Variants in SNX25 observed in about 807,000 individuals in gnomAD.
The protein encoded by SNX25 is sorting nexin-25.
Under a neutral mutation model 113.7 loss-of-function variants are expected in SNX25, and 62 were observed. The observed-to-expected ratio is 0.55, with a 90% CI of 0.44 to 0.67. The LOEUF is 0.67. SNX25 is among the 30% of genes least tolerant of loss of function. The pLI is 0.00. For synonymous variants in SNX25, 421 were observed against 436.2 expected (o/e 0.97, Z 0.43); for missense variants, 1,014 against 1,161.0 (o/e 0.87, Z 1.84).
In SNX25 at chr4:185,320,587, T is replaced by C. The variant is rs897757258; in HGVS notation, c.1345-146T>C. The C allele has an allele frequency of 5.7e-6, 3 of 522,540 alleles. No individual in the cohort carries two copies. The African/African-American group carries it at 5.8e-5, about 10-fold the overall frequency. The allele number at this position is 522,540 out of a possible 1,614,324, so 32.4% of individuals were successfully genotyped here. A position where few individuals can be genotyped will look rare whatever the true frequency, so the allele number is the denominator to read the frequency against. ...CTGTACATTTACTTAAATAAATAAA[T>C]AGTAAATTACTACAATAAAATTTTA... is the stretch of plus-strand genomic sequence containing the variant. On this transcript the variant is annotated intron_variant, in intron 7 of 18. Coordinates refer to ENST00000652585, the MANE Select transcript of SNX25 (RefSeq NM_001378034.2).
intron 14 of SNX25, chr4:185,353,283 T>A: frequency 2.1e-6 from 1 of 471,584 alleles, no homozygotes; most frequent in African/African-American, 1.9e-5. Context: ...ATTAGCTTAT[T>A]TTAAGCCTTG....
At chr4:185,290,351 G>T (rs2126616070) in intron 6 of SNX25, among the ~76,000 whole-genome samples, 1 of 152,210 alleles carries the variant, frequency 6.6e-6, no homozygotes, top group South Asian at 2.1e-4. Context: ...AACTCTTTTG[G>T]GTATCCTGGC....
chr4:185,360,597 T>G (rs2095356836), intron 16 of SNX25, among the ~76,000 whole-genome samples: 1 of 152,152 alleles, frequency 6.6e-6, no homozygotes, highest in South Asian at 2.1e-4. Context: ...ACTCTTGGGC[T>G]CTTTGAACTG....
upstream of SNX25, among the ~76,000 whole-genome samples, chr4:185,206,044 C>T (rs1002812427): frequency 1.3e-5 from 2 of 152,080 alleles, no homozygotes; most frequent in Non-Finnish European, 2.9e-5. Flanking sequence ...AGATCGAAAC[C>T]CTTATGCATT....
chr4:185,348,643 T>C (rs1318814607), intron 13 of SNX25, among the ~76,000 whole-genome samples: 1 of 152,152 alleles, frequency 6.6e-6, no homozygotes, highest in East Asian at 1.9e-4. Flanking sequence ...GTGACCAATC[T>C]GCCTCGGCCT....
chr4:185,305,837 G>A (rs1307887490), intron 6 of SNX25, among the ~76,000 whole-genome samples: 6 of 152,100 alleles, frequency 3.9e-5, no homozygotes, highest in African/African-American at 1.4e-4. Context: ...AGGTTAGTGC[G>A]AAAGTAATCA....
chr4:185,376,464 T>G, the SNX25 span, among the ~76,000 whole-genome samples: 4 of 146,754 alleles, frequency 2.7e-5, no homozygotes, highest in African/African-American at 5.1e-5. Flanking sequence ...TTTTTTTTTT[T>G]TGTATTTTTA....
intron 2 of SNX25, among the ~76,000 whole-genome samples, chr4:185,248,423 C>T (rs1246437871): frequency 3.3e-5 from 5 of 151,864 alleles, no homozygotes; most frequent in African/African-American, 7.3e-5. Context: ...TTTGGGAGAC[C>T]GAGGTGGGTG....
Position 185,359,765 on chromosome 4 carries a change from A to C in SNX25, c.2651+2028A>C, listed in dbSNP as rs578124974. Reference sequence around the variant, plus strand: ...CCTTTTCAGTGTCAGCAAATCATGCATGCTTTCATTGCTCCTATTTATGAT... The same window carrying C: ...CCTTTTCAGTGTCAGCAAATCATGCCTGCTTTCATTGCTCCTATTTATGAT... On this transcript the variant is annotated intron_variant, in intron 16 of 18. Coordinates refer to ENST00000652585, the MANE Select transcript of SNX25 (RefSeq NM_001378034.2). Among the ~76,000 whole-genome samples the C allele has an allele frequency of 6.6e-5, 10 of 152,332 alleles. No individual in the cohort carries two copies. The South Asian group carries it at 2.1e-3, about 32-fold the overall frequency.
Position 185,332,694 on chromosome 4 carries a change from G to T in SNX25, c.1849G>T (p.Glu617Ter). Residue 617 changes from glutamate (E) to a stop codon, truncating the protein, a stop_gained, in exon 10 of 19, where the codon GAG becomes TAG. Coordinates refer to ENST00000652585, the MANE Select transcript of SNX25 (RefSeq NM_001378034.2). LOFTEE classifies it high-confidence loss of function. ...FAVNKLRELN[E>*]KLEYKRQALN... ...TGTAAACAAACTGCGAGAACTAAATGAGAAACTTGAATATAAAAGGCAAGC... is the reference window on the plus strand; with the variant it reads ...TGTAAACAAACTGCGAGAACTAAATTAGAAACTTGAATATAAAAGGCAAGC... 6.2e-7 allele frequency: 1 copy of T among 1,614,060 alleles called. No individual in the cohort carries two copies. The highest frequency in any genetic ancestry group is 1.1e-5 in the South Asian group (1 of 91,050).
intron 1 of SNX25, among the ~76,000 whole-genome samples, chr4:185,211,131 T>A (rs1737722667): frequency 1.3e-5 from 2 of 152,228 alleles, no homozygotes; most frequent in Non-Finnish European, 2.9e-5. Context: ...TTCATAAGAA[T>A]ATTTGTTAAT....
downstream of SNX25, among the ~76,000 whole-genome samples, chr4:185,368,720 G>A (rs184395024): frequency 1.3e-5 from 2 of 152,030 alleles, no homozygotes; most frequent in East Asian, 1.9e-4. Flanking sequence ...CTAGAGTACA[G>A]TATCCTAGTT....
chr4:185,323,440 C>G (rs779510256), intron 8 of SNX25, 88 bp from the exon 9 acceptor site: 85 of 1,335,220 alleles, frequency 6.4e-5, no homozygotes, highest in Non-Finnish European at 8.4e-5. Context: ...TGTCTTTCTT[C>G]TGACTTTCAA....
At chr4:185,205,222 G>C (rs544579063), upstream of SNX25, among the ~76,000 whole-genome samples, 1 of 152,198 alleles carries the variant, frequency 6.6e-6, no homozygotes, top group Admixed American at 6.5e-5. Context: ...TCGGGAGGCC[G>C]AGGCGGGTGG....
intron 3 of SNX25, among the ~76,000 whole-genome samples, chr4:185,262,361 AT>A (rs1747444948): frequency 6.6e-6 from 1 of 152,108 alleles, no homozygotes. Flanking sequence ...TCTAAAAATG[AT>A]TGCTTTTATA....
intron 1 of SNX25, among the ~76,000 whole-genome samples, chr4:185,216,745 T>C (rs1172592416): frequency 6.6e-6 from 1 of 151,998 alleles, no homozygotes; most frequent in Non-Finnish European, 1.5e-5. Flanking sequence ...GATCTTGAAC[T>C]CCTGACCTCA....
chr4:185,320,396 T>C (rs1256092626), intron 7 of SNX25, among the ~76,000 whole-genome samples: 1 of 152,048 alleles, frequency 6.6e-6, no homozygotes, highest in Non-Finnish European at 1.5e-5. Flanking sequence ...AAACACCACA[T>C]GTTCTCACTC....
intron 1 of SNX25, among the ~76,000 whole-genome samples, chr4:185,229,167 C>G (rs1741454462): frequency 6.6e-6 from 1 of 151,902 alleles, no homozygotes; most frequent in Non-Finnish European, 1.5e-5. Flanking sequence ...GTGGAGATCT[C>G]ATCTGTGGGC....
At chr4:185,239,422 G>A (rs1424265971) in intron 1 of SNX25, among the ~76,000 whole-genome samples, 1 of 152,168 alleles carries the variant, frequency 6.6e-6, no homozygotes. Flanking sequence ...CGCGGAGCTT[G>A]CAGTGAGCTG....
Sources: gnomAD v4.1 joint callset for allele counts (sites outside exome capture counted in the v4.1 genomes callset) on GRCh38, gnomAD v4.1.1 for gene constraint, MANE v1.5 for transcripts, NCBI Gene and HGNC (gene_info 2026-07-23, HGNC 2026-07-21) for gene names.